Variants in GRID2 observed in about 807,000 individuals in gnomAD.
The protein encoded by GRID2 is glutamate ionotropic receptor delta type subunit 2, also known as glutamate receptor ionotropic, delta-2.
A neutral mutation model predicts 114.8 loss-of-function variants in GRID2; 33 were observed. The ratio of observed to expected loss-of-function variants is 0.29; its 90% confidence interval spans 0.22 to 0.38. The LOEUF is 0.38. Ranked by LOEUF, GRID2 falls within the 10% of genes least tolerant of loss-of-function variation. The pLI is 1.00. For missense variants in GRID2, 1,184 were observed against 1,257.7 expected, an observed-to-expected ratio of 0.94 and a Z score of 0.89; for synonymous variants, 505 against 449.9, an observed-to-expected ratio of 1.12 and a Z score of -1.55.
At position 92,778,096 on chromosome 4, in the gene GRID2, C is replaced by T. The variant is rs1350871573; in HGVS notation, c.244+187810C>T. ...AACATCCTACAAAGCAGAGGACTGCCCTACATGCTTATTTCATCCACAGTA... is the reference window on the plus strand; with the variant it reads ...AACATCCTACAAAGCAGAGGACTGCTCTACATGCTTATTTCATCCACAGTA... On this transcript the variant is annotated intron_variant, in intron 2 of 15. Transcript: ENST00000282020. Among the ~76,000 whole-genome samples the T allele has an allele frequency of 2.6e-5, 4 of 152,040 alleles. No individual in the cohort carries two copies. The East Asian group carries it at 5.8e-4, about 22-fold the overall frequency.
intron 2 of GRID2, among the ~76,000 whole-genome samples, chr4:92,894,667 C>T (rs750051451): frequency 1.1e-4 from 17 of 151,944 alleles, no homozygotes; most frequent in Non-Finnish European, 1.5e-4. Context: ...ATGGGGAACA[C>T]GTTTAAAAGA....
chr4:92,709,801 A>G (rs1483806799), intron 2 of GRID2, among the ~76,000 whole-genome samples: 1 of 151,828 alleles, frequency 6.6e-6, no homozygotes, highest in Non-Finnish European at 1.5e-5. Context: ...ACAAAGGTCA[A>G]ATATATTTCC....
chr4:92,906,045 A>G (rs1392080662), intron 2 of GRID2, among the ~76,000 whole-genome samples: 1 of 152,148 alleles, frequency 6.6e-6, no homozygotes, highest in African/African-American at 2.4e-5. Context: ...TAATTTATAT[A>G]CTAGTCTTAC....
At chr4:92,662,147 T>C (rs751938878) in intron 2 of GRID2, among the ~76,000 whole-genome samples, 15 of 151,018 alleles carry the variant, frequency 9.9e-5, no homozygotes, top group Non-Finnish European at 1.9e-4. Flanking sequence ...AAAAAGTAAA[T>C]CATTATTAAG....
chr4:93,469,688 A>G (rs2149432482), intron 11 of GRID2, among the ~76,000 whole-genome samples: 1 of 152,240 alleles, frequency 6.6e-6, no homozygotes, highest in Admixed American at 6.5e-5. Flanking sequence ...TTAAATAGAC[A>G]CTAGGTTCAA....
intron 13 of GRID2, among the ~76,000 whole-genome samples, chr4:93,572,318 C>A (rs1337375585): frequency 1.3e-5 from 2 of 151,988 alleles, no homozygotes; most frequent in Admixed American, 6.6e-5. Context: ...TCAAGGTGAC[C>A]TAAGATAGTT....
intron 1 of GRID2, among the ~76,000 whole-genome samples, chr4:92,573,893 A>G (rs1181031593): frequency 2.0e-5 from 3 of 150,384 alleles, no homozygotes; most frequent in Non-Finnish European, 3.0e-5. Flanking sequence ...ATGATCTAGT[A>G]TTTTCAGTGG....
At chr4:92,571,626 G>C (rs368710423) in intron 1 of GRID2, among the ~76,000 whole-genome samples, 1 of 151,884 alleles carries the variant, frequency 6.6e-6, no homozygotes, top group East Asian at 1.9e-4. Flanking sequence ...TGACCACATA[G>C]TTGGAAGTAA....
chr4:93,077,028 C>T (rs994621148), intron 2 of GRID2, among the ~76,000 whole-genome samples: 1 of 151,996 alleles, frequency 6.6e-6, no homozygotes, highest in Non-Finnish European at 1.5e-5. Flanking sequence ...TGACATAATG[C>T]GATTCAAAAA....
chr4:92,565,110 G>A (rs1346702226), intron 1 of GRID2, among the ~76,000 whole-genome samples: 1 of 151,820 alleles, frequency 6.6e-6, no homozygotes, highest in Non-Finnish European at 1.5e-5. Flanking sequence ...ATTACTTCTG[G>A]GTACCCAGTT....
chr4:92,457,493 A>G (rs1721275669), intron 1 of GRID2, among the ~76,000 whole-genome samples: 1 of 152,166 alleles, frequency 6.6e-6, no homozygotes, highest in Non-Finnish European at 1.5e-5. Flanking sequence ...GCGCATCGAA[A>G]GATGTAGGCT....
intron 2 of GRID2, chr4:92,822,109 C>A (rs1741324688): frequency 6.1e-6 from 2 of 328,412 alleles, no homozygotes; most frequent in Non-Finnish European, 1.2e-5. Flanking sequence ...ATTCCGATAA[C>A]TTCTTGCTTA....
intron 8 of GRID2, among the ~76,000 whole-genome samples, chr4:93,316,461 T>C (rs569566194): frequency 4.6e-5 from 7 of 152,044 alleles, no homozygotes; most frequent in South Asian, 2.1e-4. Flanking sequence ...ATCAGTGTAT[T>C]AGGAAATGGG....
chr4:92,477,261 G>A (rs1418302451), intron 1 of GRID2, among the ~76,000 whole-genome samples: 1 of 151,898 alleles, frequency 6.6e-6, no homozygotes, highest in Non-Finnish European at 1.5e-5. Flanking sequence ...TTTTCCATAT[G>A]CAAAGATATT....
chr4:93,025,337 A>G (rs1030615957), intron 2 of GRID2, among the ~76,000 whole-genome samples: 3 of 151,822 alleles, frequency 2.0e-5, no homozygotes, highest in African/African-American at 7.2e-5. Flanking sequence ...TTGGCTAAAC[A>G]GATATTTATT....
At chr4:93,295,407 C>T (rs889708005) in intron 8 of GRID2, among the ~76,000 whole-genome samples, 2 of 152,184 alleles carry the variant, frequency 1.3e-5, no homozygotes, top group African/African-American at 2.4e-5. Context: ...ATGTATCAAT[C>T]GGGGTTCAAC....
At chr4:92,442,358 A>G (rs111297432) in intron 1 of GRID2, among the ~76,000 whole-genome samples, 27,076 of 151,300 alleles carry the variant, frequency 0.18, 2,547 homozygotes, top group South Asian at 0.27. Flanking sequence ...CAGATGGGAC[A>G]CGGCTTAGGA....
intron 6 of GRID2, among the ~76,000 whole-genome samples, chr4:93,218,954 C>T (rs567180942): frequency 1.9e-4 from 29 of 152,188 alleles, no homozygotes; most frequent in African/African-American, 5.8e-4. Context: ...GAATAGCAAA[C>T]GGATAATCAT....
At chr4:92,945,299 A>T (rs2149544978) in intron 2 of GRID2, among the ~76,000 whole-genome samples, 1 of 152,302 alleles carries the variant, frequency 6.6e-6, no homozygotes, top group South Asian at 2.1e-4. Flanking sequence ...AGAGTTTTAA[A>T]GTCATTGTTC....
Sources: allele counts gnomAD v4.1 joint callset (sites outside exome capture counted in the v4.1 genomes callset), GRCh38; gene constraint gnomAD v4.1.1; transcripts MANE v1.5; gene names NCBI Gene and HGNC (gene_info 2026-07-23, HGNC 2026-07-21).